RBPJ: variants seen among roughly 807,000 people sequenced by gnomAD.
RBPJ encodes recombination signal binding protein for immunoglobulin kappa J region.
RBPJ carries 9 observed loss-of-function variants against 67.8 expected under a neutral mutation model. That is an observed-to-expected ratio of 0.13 (90% CI 0.08 to 0.23). The LOEUF (loss-of-function observed/expected upper bound fraction) is 0.23, where lower values mean the gene tolerates loss of function less well. Among genes scored for constraint, RBPJ ranks in the 10% least tolerant of loss-of-function variants. The probability of loss-of-function intolerance (pLI) is 1.00; values close to 1 mark genes in which losing one functional copy is unlikely to be tolerated. For synonymous variants in RBPJ, 198 were observed against 203.3 expected, an observed-to-expected ratio of 0.97 and a Z score of 0.22; for missense variants, 305 against 595.6, an observed-to-expected ratio of 0.51 and a Z score of 5.08.
chr4:26,280,395 CAAAAAAAAAAAA>C (rs11295196), intron 1 of RBPJ, among the ~76,000 whole-genome samples: 13 of 86,820 alleles, frequency 1.5e-4, no homozygotes, highest in Non-Finnish European at 2.3e-5. Context: ...CACTTCATCT[CAAAAAAAAAAAA>C]AAAAAAAAAG....
chr4:26,275,916 G>A (rs1003762102), intron 1 of RBPJ, among the ~76,000 whole-genome samples: 6 of 148,528 alleles, frequency 4.0e-5, no homozygotes, highest in Admixed American at 2.0e-4. Context: ...GTGAGCCACC[G>A]CAACCGGCCC....
chr4:26,178,721 C>G (rs1369993380), intron 1 of RBPJ, among the ~76,000 whole-genome samples: 1 of 149,950 alleles, frequency 6.7e-6, no homozygotes, highest in African/African-American at 2.5e-5. Flanking sequence ...TGAGAACCCA[C>G]CATGCGATGT....
chr4:26,150,938 A>T, the RBPJ span, among the ~76,000 whole-genome samples: 1 of 152,186 alleles, frequency 6.6e-6, no homozygotes, highest in African/African-American at 2.4e-5. Context: ...GTAAAGATGC[A>T]TTTGCTAGTC....
intron 8 of RBPJ, 60 bp from the exon 9 acceptor site, chr4:26,429,838 T>G (rs1362842390): frequency 3.5e-6 from 5 of 1,439,934 alleles, no homozygotes; most frequent in Non-Finnish European, 4.8e-6. Flanking sequence ...TGGTAAAATT[T>G]TCTTATCCTA....
At chr4:26,265,999 C>G (rs1720692795) in intron 1 of RBPJ, among the ~76,000 whole-genome samples, 1 of 151,980 alleles carries the variant, frequency 6.6e-6, no homozygotes. Flanking sequence ...CTACTTCACT[C>G]CAGCTCTGAG....
Position 26,415,532 on chromosome 4 carries a change from A to G in RBPJ, c.213A>G (p.Lys71=), listed in dbSNP as rs773951575. The part of the protein sequence containing the change: ...YLMGSGWKKK[K]EQMERDGCSE... ...TGGGCAGTGGATGGAAGAAAAAAAA[A>G]GAACAAATGGAACGCGATGGTTGTT... The change falls in exon 4 of 11, where the codon AAA becomes AAG. Residue 71 remains lysine, a synonymous_variant. Transcript: ENST00000355476. The G allele has an allele frequency of 6.2e-7, 1 of 1,613,520 alleles. No homozygotes were observed. Among genetic ancestry groups the G allele is most frequent in the Non-Finnish European group, 8.5e-7 (1 of 1,179,698 alleles).
intron 1 of RBPJ, among the ~76,000 whole-genome samples, chr4:26,305,204 C>T (rs934714669): frequency 6.6e-5 from 10 of 152,176 alleles, no homozygotes; most frequent in Non-Finnish European, 2.9e-5. Flanking sequence ...GTAAGTCTGT[C>T]CTTATCCAGC....
In RBPJ at chr4:26,358,800, T is replaced by C. The variant is rs190435349; in HGVS notation, c.21-27553T>C. Among the ~76,000 whole-genome samples the C allele has an allele frequency of 5.1e-4, 78 of 151,584 alleles. 2 individuals carry two copies. The highest frequency in any genetic ancestry group is 5.1e-3 in the Admixed American group (77 of 15,212). On this transcript the variant is annotated intron_variant, in intron 1 of 10. Coordinates refer to ENST00000355476, the MANE Select transcript of RBPJ (RefSeq NM_015874.6). ...CTTGTCTCTTAAAAAAAAAAAAAAG[T>C]CCATTCATTTATTCAGGTTTGAGGC...
intron 1 of RBPJ, among the ~76,000 whole-genome samples, chr4:26,195,086 T>C (rs1717704642): frequency 6.6e-6 from 1 of 152,176 alleles, no homozygotes; most frequent in Admixed American, 6.5e-5. Flanking sequence ...TAATAAAAAC[T>C]AGAGCCAGGC....
the RBPJ span, among the ~76,000 whole-genome samples, chr4:26,121,062 C>T: frequency 7.7e-6 from 1 of 130,536 alleles, no homozygotes; most frequent in Non-Finnish European, 1.8e-5. Flanking sequence ...ATCTACCATT[C>T]TCAAAAGTGG....
chr4:26,109,642 G>C, the RBPJ span, among the ~76,000 whole-genome samples: 968 of 7,086 alleles, frequency 0.14, 226 homozygotes, highest in Non-Finnish European at 0.16. Flanking sequence ...CTCTCTCTCT[G>C]TCTCTCTCTC....
chr4:26,264,172 G>GGC lies in RBPJ; in HGVS notation c.-166-98271_-166-98270dup, dbSNP rs1560235146. 6.6e-6 allele frequency among the ~76,000 whole-genome samples: 1 copy of GGC among 151,920 alleles called. No individual in the cohort carries two copies. Among genetic ancestry groups the GGC allele is most frequent in the Non-Finnish European group, 1.5e-5 (1 of 67,958 alleles). On this transcript the variant is annotated intron_variant, in intron 1 of 4. Coordinates refer to the RBPJ transcript ENST00000512351. The surrounding 1 kb of genome is among the most constrained non-coding windows in gnomAD (Gnocchi z 4.1). ...TGCTGGGATTACAGGCGTGAGCCAC[G>GGC]GCGCCTGGCAGACAGATTCATTTGT...
At chr4:26,217,277 T>C (rs1041546170) in intron 1 of RBPJ, among the ~76,000 whole-genome samples, 1 of 152,268 alleles carries the variant, frequency 6.6e-6, no homozygotes, top group Non-Finnish European at 1.5e-5. Flanking sequence ...GGCTGCAAGA[T>C]GATTTTTTAG....
In RBPJ at chr4:26,192,335, C is replaced by T. The variant is rs537237263; in HGVS notation, c.-167+28721C>T. Among the ~76,000 whole-genome samples the T allele has an allele frequency of 2.0e-5, 3 of 152,262 alleles. No individual in the cohort carries two copies. In the South Asian group the frequency reaches 6.2e-4, roughly 32 times the overall value. ...TTCTTTAACTTTATAAATAGAATGACATAACACACATTCTTTTGTGTCTAA... is the reference window on the plus strand; with the variant it reads ...TTCTTTAACTTTATAAATAGAATGATATAACACACATTCTTTTGTGTCTAA... On this transcript the variant is annotated intron_variant, in intron 1 of 4. Coordinates refer to the RBPJ transcript ENST00000512351.
chr4:26,364,620 A>ATTTTCTTTTTTTTTTTTTTTTTTTTTT, intron 1 of RBPJ, among the ~76,000 whole-genome samples: 1 of 92,460 alleles, frequency 1.1e-5, no homozygotes, highest in Non-Finnish European at 2.3e-5. Flanking sequence ...TTTCTTTTTC[A>ATTTTCTTTTTTTTTTTTTTTTTTTTTT]TTTTCTTTTT....
chr4:26,109,458 CTCTA>C, the RBPJ span, among the ~76,000 whole-genome samples: 73 of 14,382 alleles, frequency 5.1e-3, no homozygotes, highest in Non-Finnish European at 6.9e-3. Context: ...CTCTCTCTCT[CTCTA>C]TATATATATA....
chr4:26,416,038 T>C (rs1407350358), intron 4 of RBPJ, among the ~76,000 whole-genome samples: 3 of 152,196 alleles, frequency 2.0e-5, no homozygotes, highest in African/African-American at 7.2e-5. Flanking sequence ...CACGATGATA[T>C]ATACATTGTG....
At chr4:26,183,814 C>A (rs1717110355) in intron 1 of RBPJ, among the ~76,000 whole-genome samples, 1 of 152,074 alleles carries the variant, frequency 6.6e-6, no homozygotes, top group Admixed American at 6.6e-5. Context: ...AGTTTGAGAC[C>A]AGCCTGGCCA....
chr4:26,208,275 C>T (rs991782221), intron 1 of RBPJ, among the ~76,000 whole-genome samples: 7 of 152,210 alleles, frequency 4.6e-5, no homozygotes, highest in Admixed American at 4.6e-4. Context: ...GTGGTTGAGT[C>T]ATTTACCTAA....
Sources: allele counts gnomAD v4.1 joint callset (sites outside exome capture counted in the v4.1 genomes callset), GRCh38; gene constraint gnomAD v4.1.1; non-coding constraint Gnocchi (gnomAD v3.1); transcripts MANE v1.5; gene names NCBI Gene and HGNC (gene_info 2026-07-23, HGNC 2026-07-21).